The following INPP5K variants were observed in gnomAD, a reference collection of about 807,000 sequenced individuals.
The protein encoded by INPP5K is inositol polyphosphate-5-phosphatase K.
Under a neutral mutation model 53.5 loss-of-function variants are expected in INPP5K, and 35 were observed. The ratio of observed to expected loss-of-function variants is 0.65; its 90% CI spans 0.50 to 0.87. The LOEUF (loss-of-function observed/expected upper bound fraction) is 0.87, where lower values mean the gene tolerates loss of function less well. INPP5K is among the 40% of genes least tolerant of loss of function. The pLI, the probability that INPP5K is intolerant of heterozygous loss-of-function variation, is 0.00. For missense variants in INPP5K, 550 were observed against 586.2 expected (o/e 0.94, Z 0.64); for synonymous variants, 253 against 232.8 (o/e 1.09, Z -0.79).
Position 1,496,171 on chromosome 17 carries a change from G to A in INPP5K, c.1186-7C>T. ...TGCTGATGTCGATGTAAACCTGGAG[G>A]GGGATGGACAGGACTGGGGTCAGCT... On this transcript the variant is annotated splice_polypyrimidine_tract_variant and splice_region_variant and intron_variant, in intron 10 of 11. Transcript: ENST00000421807. 1.3e-6 allele frequency: 2 copies of A among 1,595,774 alleles called. No individual in the cohort carries two copies. Among genetic ancestry groups the A allele is most frequent in the South Asian group, 2.2e-5 (2 of 90,670 alleles).
rs184736742 is a variant in INPP5K, at chr17:1,500,571, T to C, written c.777-2449A>G. On this transcript the variant is annotated intron_variant, in intron 7 of 11. Coordinates refer to ENST00000421807, the MANE Select transcript of INPP5K (RefSeq NM_016532.4). ...TAGTAGAGACGGGGTTTCACCGCATTAGCCAGGATGGTCTTGATCTCCTGA... is the reference window on the plus strand; with the variant it reads ...TAGTAGAGACGGGGTTTCACCGCATCAGCCAGGATGGTCTTGATCTCCTGA... 1.6e-4 allele frequency among the ~76,000 whole-genome samples: 24 copies of C among 152,316 alleles called. No individual in the cohort carries two copies. In the East Asian group the frequency reaches 4.6e-3, roughly 29 times the overall value.
chr17:1,497,210 G>T (rs1182983946), intron 8 of INPP5K, among the ~76,000 whole-genome samples: 1 of 152,220 alleles, frequency 6.6e-6, no homozygotes, highest in Non-Finnish European at 1.5e-5. Context: ...CGGGGGCCAG[G>T]CACGGTGGCT....
intron 7 of INPP5K, among the ~76,000 whole-genome samples, chr17:1,499,939 TCTAC>T (rs941642422): frequency 1.3e-5 from 2 of 152,228 alleles, no homozygotes; most frequent in Non-Finnish European, 2.9e-5. Flanking sequence ...TTGAATCCTA[TCTAC>T]CTACCTATTG....
At chr17:1,509,113 G>T in intron 5 of INPP5K, 65 bp downstream of exon 5, 1 of 1,037,114 alleles carries the variant, frequency 9.6e-7, no homozygotes, top group South Asian at 1.4e-5. Flanking sequence ...AGGCTCACTC[G>T]TGGGGGTTAG....
At chr17:1,502,202 AGCCAGGCGTGGT>A (rs1567552913) in intron 7 of INPP5K, among the ~76,000 whole-genome samples, 10 of 148,468 alleles carry the variant, frequency 6.7e-5, no homozygotes. Context: ...ACAAAAAATT[AGCCAGGCGTGGT>A]GACGGGCGCC....
At position 1,508,292 on chromosome 17, in the gene INPP5K, G is replaced by A. The variant is rs563426658; in HGVS notation, c.555-66C>T. The A allele has an allele frequency of 2.0e-4, 257 of 1,293,834 alleles. No individual in the cohort carries two copies. In the African/African-American group the frequency reaches 3.3e-3, roughly 17 times the overall value. 80.1% of individuals were successfully genotyped at this position (1,293,834 alleles called of 1,614,324 possible). ...AGTCGGGGAAGGGAGATCACCAGGT[G>A]GCTCAGCCTGCTCAACCCAAGGGCT... On this transcript the variant is annotated intron_variant, in intron 5 of 11. Coordinates refer to ENST00000421807, the MANE Select transcript of INPP5K (RefSeq NM_016532.4).
chr17:1,496,669 G>C lies in INPP5K; in HGVS notation c.1098C>G (p.Tyr366Ter). The C allele has an allele frequency of 6.2e-7, 1 of 1,614,158 alleles. No homozygotes were observed. Residue 366 changes from tyrosine to a stop codon, truncating the protein, a stop_gained, in exon 9 of 12, where the codon TAC (tyrosine) becomes TAG (stop). Transcript: ENST00000421807. LOFTEE classifies it high-confidence loss of function. ...TCCTGCCTTGCCACCACATCACCTT[G>C]TACAGTCCAATCCAGTCCCACGGGC... ...PSSPWDWIGL[Y>*]KVGLRDVNDY...
chr17:1,506,100 G>A (rs778188774), intron 7 of INPP5K, among the ~76,000 whole-genome samples: 16 of 151,750 alleles, frequency 1.1e-4, no homozygotes, highest in Non-Finnish European at 2.1e-4. Context: ...CTCGGCTCAC[G>A]GCAACCTCTG....
rs1421852248 is a variant in INPP5K, at chr17:1,494,768, G to GTCTGCT, written c.*1054_*1055insAGCAGA. 2 of 152,390 alleles carry GTCTGCT rather than the reference G, an allele frequency of 1.3e-5. No individual in the cohort carries two copies. The highest frequency in any genetic ancestry group is 1.3e-4 in the Admixed American group (2 of 15,280). The allele number at this position is 152,390 out of a possible 1,614,324, so 9.4% of individuals were successfully genotyped here. A position where few individuals can be genotyped will look rare whatever the true frequency, so the allele number is the denominator to read the frequency against. ...GACAAGCACTGAGCAGGCTCCCAGA[G>GTCTGCT]GTGTCTTCTCCTGGGAAAAGGGCTG... On this transcript the variant is annotated 3_prime_UTR_variant, in exon 12 of 12. Coordinates refer to ENST00000421807, the MANE Select transcript of INPP5K (RefSeq NM_016532.4).
chr17:1,514,418 G>A (rs1011995129), intron 1 of INPP5K, among the ~76,000 whole-genome samples: 1 of 152,078 alleles, frequency 6.6e-6, no homozygotes, highest in Non-Finnish European at 1.5e-5. Context: ...TTTCTGTGCT[G>A]GTGGAGGGAA....
At chr17:1,508,903 G>A in intron 5 of INPP5K, 1 of 338,978 alleles carries the variant, frequency 3.0e-6, no homozygotes, top group East Asian at 7.7e-5. Flanking sequence ...CGGTCAGCGT[G>A]GGGCAGAGGG....
At chr17:1,497,852 C>T in intron 8 of INPP5K, 84 bp downstream of exon 8, 1 of 1,263,746 alleles carries the variant, frequency 7.9e-7, no homozygotes, top group Non-Finnish European at 1.1e-6. Context: ...GACTGGCTGA[C>T]ATTCGAATCC....
intron 8 of INPP5K, 24 bp downstream of exon 8, chr17:1,497,912 G>GT (rs1567547599): frequency 6.9e-6 from 11 of 1,599,986 alleles, no homozygotes; most frequent in East Asian, 2.2e-5. Context: ...CCTCTGGCAA[G>GT]TATCAGGCAG....
rs767898305 is a variant in INPP5K, at chr17:1,507,065, G to A, written c.691C>T (p.Pro231Ser). The change falls in exon 7 of 12, where the codon CCG (proline) becomes TCG (serine). Residue 231 changes from proline to serine, a missense_variant. Physicochemically the swap from Pro to Ser is moderately conservative, Grantham distance 74. Coordinates refer to ENST00000421807, the MANE Select transcript of INPP5K (RefSeq NM_016532.4). ...DQLSIAKKHD[P>S]LLREFQEGRL... ...CCCTCCTGGAACTCCCGGAGCAGCG[G>A]GTCATGTTTCTTGGCAATGCTGAGC... 3.1e-6 allele frequency: 5 copies of A among 1,613,994 alleles called. No homozygotes were observed. In the Admixed American group the frequency reaches 5.0e-5, roughly 16 times the overall value.
In INPP5K at chr17:1,513,725, C is replaced by T. The variant is rs1333764342; in HGVS notation, c.152+147G>A. ...CCAGCCCCCTTTGCCGTTGCTGACC[C>T]GGGACCAGAGACATGGGACTGTCCC... On this transcript the variant is annotated intron_variant, in intron 2 of 11. Coordinates refer to ENST00000421807, the MANE Select transcript of INPP5K (RefSeq NM_016532.4). 24 of 868,672 alleles carry T rather than the reference C, an allele frequency of 2.8e-5. No individual in the cohort carries two copies. The Middle Eastern group carries it at 4.1e-3, about 148-fold the overall frequency. The allele number at this position is 868,672 out of a possible 1,614,324, so 53.8% of individuals were successfully genotyped here. A position where few individuals can be genotyped will look rare whatever the true frequency, so the allele number is the denominator to read the frequency against.
At chr17:1,502,210 G>A (rs537731832) in intron 7 of INPP5K, among the ~76,000 whole-genome samples, 37 of 152,012 alleles carry the variant, frequency 2.4e-4, no homozygotes, top group South Asian at 8.3e-4. Flanking sequence ...TTAGCCAGGC[G>A]TGGTGACGGG....
chr17:1,510,031 C>A (rs776261626), intron 3 of INPP5K, among the ~76,000 whole-genome samples: 1 of 152,188 alleles, frequency 6.6e-6, no homozygotes, highest in Non-Finnish European at 1.5e-5. Context: ...CCTAGGCGTG[C>A]GGGTGGCGGG....
In INPP5K at chr17:1,504,221, T is replaced by C. The variant is rs141282054; in HGVS notation, c.776+2759A>G. On this transcript the variant is annotated intron_variant, in intron 7 of 11. Coordinates refer to ENST00000421807, the MANE Select transcript of INPP5K (RefSeq NM_016532.4). ...TGCTCTCTGGGCAATCACAGTACAG[T>C]AAGAAAGGTACGCTGTGTCTCAAAA... Among the ~76,000 whole-genome samples the C allele has an allele frequency of 2.6e-5, 4 of 152,208 alleles. No homozygotes were observed. In the East Asian group the frequency reaches 7.7e-4, roughly 29 times the overall value.
At position 1,507,113 on chromosome 17, in the gene INPP5K, G is replaced by A. The variant is rs114554867; in HGVS notation, c.667-24C>T. 3,885 of 1,588,648 alleles carry A rather than the reference G, an allele frequency of 2.4e-3. 76 individuals are homozygous for A. In the African/African-American group the frequency reaches 0.044, roughly 18 times the overall value. On this transcript the variant is annotated intron_variant, in intron 6 of 11. Transcript: ENST00000421807. ...AGCTGCAGACAAAGTCATAGTCCCC[G>A]TCTCCCAGTAGTCTCGACCCAGTGG... is the stretch of plus-strand genomic sequence containing the variant.
Sources: gnomAD v4.1 joint callset for allele counts (sites outside exome capture counted in the v4.1 genomes callset) on GRCh38, gnomAD v4.1.1 for gene constraint, MANE v1.5 for transcripts, NCBI Gene and HGNC (gene_info 2026-07-23, HGNC 2026-07-21) for gene names.